Variants in BCAS3 observed in about 807,000 individuals in gnomAD.
BCAS3 encodes the protein BCAS4/BCAS3 fusion.
BCAS3 carries 53 observed loss-of-function variants against 116.1 expected under a neutral mutation model. The observed-to-expected ratio is 0.46, with a 90% confidence interval of 0.37 to 0.57. The LOEUF (loss-of-function observed/expected upper bound fraction) is 0.57. BCAS3 is among the 20% of genes least tolerant of loss of function. The probability of loss-of-function intolerance (pLI) is 0.00; values close to 1 mark genes in which losing one functional copy is unlikely to be tolerated. For synonymous variants in BCAS3, 391 were observed against 408.2 expected (o/e 0.96, Z 0.51); for missense variants, 917 against 1,165.4 (o/e 0.79, Z 3.10).
rs1015568318 is a variant in BCAS3, at chr17:60,962,992, C to A, written c.1221+15640C>A. On this transcript the variant is annotated intron_variant, in intron 14 of 23. Coordinates refer to ENST00000407086, the MANE Select transcript of BCAS3 (RefSeq NM_017679.5). This position sits in a 1 kb window ranked among gnomAD's most constrained non-coding sequence, Gnocchi z 4.4. ...ATCCCACCACCACTTATTGAAAAGA[C>A]TGTTCTTTTACCTTCTTATGTTCTT... is the stretch of plus-strand genomic sequence containing the variant. Among the ~76,000 whole-genome samples, 1 of 152,144 alleles carries A rather than the reference C, an allele frequency of 6.6e-6. No individual in the cohort carries two copies. The highest frequency in any genetic ancestry group is 2.4e-5 in the African/African-American group (1 of 41,440).
Position 61,365,771 on chromosome 17 carries a change from T to C in BCAS3, c.2426-2556T>C, listed in dbSNP as rs1162227497. Among the ~76,000 whole-genome samples the C allele has an allele frequency of 6.6e-6, 1 of 152,206 alleles. No individual in the cohort carries two copies. Among genetic ancestry groups the C allele is most frequent in the Non-Finnish European group, 1.5e-5 (1 of 68,040 alleles). On this transcript the variant is annotated intron_variant, in intron 22 of 23. Coordinates refer to ENST00000407086, the MANE Select transcript of BCAS3 (RefSeq NM_017679.5). The surrounding 1 kb of genome is among the most constrained non-coding windows in gnomAD (Gnocchi z 4.6). Reference sequence around the variant, plus strand: ...TCCTTTCTAGAGACAGACCTCCTGCTCTTGTGAAGTGAGAAAACAAATGGT... The same window carrying C: ...TCCTTTCTAGAGACAGACCTCCTGCCCTTGTGAAGTGAGAAAACAAATGGT...
At position 61,333,421 on chromosome 17, in the gene BCAS3, G is replaced by GAGGC. The variant is rs1297979987; in HGVS notation, c.2426-34897_2426-34894dup. Among the ~76,000 whole-genome samples the GAGGC allele has an allele frequency of 6.6e-6, 1 of 152,074 alleles. No individual in the cohort carries two copies. The highest frequency in any genetic ancestry group is 1.5e-5 in the Non-Finnish European group (1 of 68,010). ...CTAGGACAAAGTGGAGACGTCCTGT[G>GAGGC]AGGCAGGCAGGCCTCTGTCTCAGCA... is the stretch of plus-strand genomic sequence containing the variant. On this transcript the variant is annotated intron_variant, in intron 22 of 23. Coordinates refer to ENST00000407086, the MANE Select transcript of BCAS3 (RefSeq NM_017679.5). This position sits in a 1 kb window ranked among gnomAD's most constrained non-coding sequence, Gnocchi z 4.8.
At chr17:60,712,967 A>G (rs1267597396) in intron 5 of BCAS3, among the ~76,000 whole-genome samples, 1 of 152,166 alleles carries the variant, frequency 6.6e-6, no homozygotes, top group Admixed American at 6.6e-5. Context: ...CCTGTGACAA[A>G]GTCTGTCTAG....
At chr17:60,791,460 C>A (rs533235353) in intron 6 of BCAS3, among the ~76,000 whole-genome samples, 1 of 152,042 alleles carries the variant, frequency 6.6e-6, no homozygotes, top group Non-Finnish European at 1.5e-5. Context: ...TTAAGACTAG[C>A]CTGGGCACAG....
rs554815642 is a variant in BCAS3, at chr17:60,716,086, C to T, written c.321+6761C>T. Among the ~76,000 whole-genome samples the T allele has an allele frequency of 2.4e-4, 37 of 152,222 alleles. No homozygotes were observed. The South Asian group carries it at 5.2e-3, about 21-fold the overall frequency. On this transcript the variant is annotated intron_variant, in intron 5 of 23. Coordinates refer to ENST00000407086, the MANE Select transcript of BCAS3 (RefSeq NM_017679.5). Reference sequence around the variant, plus strand: ...CCATGTTGGTCAAGCTGGTCTCGAGCTCCTGACCTTGTGCTGTGCCCGCCT... The same window carrying T: ...CCATGTTGGTCAAGCTGGTCTCGAGTTCCTGACCTTGTGCTGTGCCCGCCT...
At position 61,346,108 on chromosome 17, in the gene BCAS3, T is replaced by G. The variant is rs1338521783; in HGVS notation, c.2426-22219T>G. On this transcript the variant is annotated intron_variant, in intron 22 of 23. Coordinates refer to ENST00000407086, the MANE Select transcript of BCAS3 (RefSeq NM_017679.5). This position sits in a 1 kb window ranked among gnomAD's most constrained non-coding sequence, Gnocchi z 5.4. ...AGTGGTTGAGAAGGTAACAGCGGGGTAGGTGCCATAATCCTTGTTGAAGTC... is the reference window on the plus strand; with the variant it reads ...AGTGGTTGAGAAGGTAACAGCGGGGGAGGTGCCATAATCCTTGTTGAAGTC... Among the ~76,000 whole-genome samples, 1 of 151,992 alleles carries G rather than the reference T, an allele frequency of 6.6e-6. No homozygotes were observed. The highest frequency in any genetic ancestry group is 1.5e-5 in the Non-Finnish European group (1 of 68,004).
At position 61,141,568 on chromosome 17, in the gene BCAS3, A is replaced by G. The variant is rs1205335735; in HGVS notation, c.2425+57004A>G. Among the ~76,000 whole-genome samples, 1 of 152,086 alleles carries G rather than the reference A, an allele frequency of 6.6e-6. No individual in the cohort carries two copies. The highest frequency in any genetic ancestry group is 1.5e-5 in the Non-Finnish European group (1 of 68,004). ...GCGAGACCCTGTCTCAAAAAATAAA[A>G]TAAAAGTTGAATCACCCACGTTTTA... On this transcript the variant is annotated intron_variant, in intron 22 of 23. Transcript: ENST00000407086. This position sits in a 1 kb window ranked among gnomAD's most constrained non-coding sequence, Gnocchi z 4.3.
At chr17:61,090,413 T>G (rs2073452773) in intron 22 of BCAS3, among the ~76,000 whole-genome samples, 1 of 152,172 alleles carries the variant, frequency 6.6e-6, no homozygotes, top group Non-Finnish European at 1.5e-5. Context: ...CCCTGACCTG[T>G]GAACAATCCC....
intron 14 of BCAS3, among the ~76,000 whole-genome samples, chr17:60,986,617 A>G (rs2063158002): frequency 6.6e-6 from 1 of 152,106 alleles, no homozygotes; most frequent in Non-Finnish European, 1.5e-5. Flanking sequence ...ACATTTTTGT[A>G]TACTTGTTTG....
intron 4 of BCAS3, chr17:60,696,572 T>G (rs1412698329): frequency 6.6e-6 from 1 of 152,158 alleles, no homozygotes; most frequent in Non-Finnish European, 1.5e-5. Context: ...GCCACTGCAG[T>G]CCAGCCTGGG....
In BCAS3 at chr17:61,377,347, C is replaced by T. The variant is rs1042516460; in HGVS notation, c.2593+8853C>T. On this transcript the variant is annotated intron_variant, in intron 23 of 23. Transcript: ENST00000407086. This position sits in a 1 kb window ranked among gnomAD's most constrained non-coding sequence, Gnocchi z 4.6. ...ACTGTGGGACAGCCGGTGGCCTCGG[C>T]AGGGGTGGTGTTGTTGGTGTTGCTA... Among the ~76,000 whole-genome samples the T allele has an allele frequency of 6.6e-6, 1 of 152,088 alleles. No individual in the cohort carries two copies. Among genetic ancestry groups the T allele is most frequent in the Non-Finnish European group, 1.5e-5 (1 of 68,010 alleles).
At chr17:60,778,049 G>T (rs2045471767) in intron 6 of BCAS3, among the ~76,000 whole-genome samples, 1 of 151,992 alleles carries the variant, frequency 6.6e-6, no homozygotes, top group African/African-American at 2.4e-5. Flanking sequence ...TTACTGTTGA[G>T]TTTAGATAGT....
chr17:61,235,703 A>AG lies in BCAS3; in HGVS notation c.2426-132624_2426-132623insG, dbSNP rs894560953. The stretch of plus-strand genomic sequence containing the variant: ...GAAAGAAGACTTTTGAATTGTTTAA[A>AG]AAAAAAAAAAAGGAGAAGAAGGAGA... On this transcript the variant is annotated intron_variant, in intron 22 of 23. Transcript: ENST00000407086. This position sits in a 1 kb window ranked among gnomAD's most constrained non-coding sequence, Gnocchi z 5.0. Among the ~76,000 whole-genome samples, 22 of 151,716 alleles carry AG rather than the reference A, an allele frequency of 1.5e-4. No individual in the cohort carries two copies. Among genetic ancestry groups the AG allele is most frequent in the African/African-American group, 5.3e-4 (22 of 41,392 alleles).
chr17:60,851,640 G>A (rs918291574), intron 7 of BCAS3: 3 of 711,380 alleles, frequency 4.2e-6, no homozygotes, highest in Non-Finnish European at 7.8e-6. Context: ...GGGAAAACAG[G>A]CTGAAAGAAA....
chr17:60,951,760 C>CT (rs2060843304), intron 14 of BCAS3, among the ~76,000 whole-genome samples: 2 of 121,684 alleles, frequency 1.6e-5, no homozygotes, highest in African/African-American at 6.4e-5. Context: ...ATTTTCTTTT[C>CT]TTTCTTTTTT....
In BCAS3 at chr17:61,278,826, G is replaced by A. The variant is rs2050993470; in HGVS notation, c.2426-89501G>A. Among the ~76,000 whole-genome samples the A allele has an allele frequency of 6.6e-6, 1 of 152,142 alleles. No individual in the cohort carries two copies. Among genetic ancestry groups the A allele is most frequent in the African/African-American group, 2.4e-5 (1 of 41,412 alleles). ...GGTTTCCTAGGACTTGGGGATATGG[G>A]GAGATTGGGAGGTAGTGGCTAAGTG... On this transcript the variant is annotated intron_variant, in intron 22 of 23. Coordinates refer to ENST00000407086, the MANE Select transcript of BCAS3 (RefSeq NM_017679.5). The surrounding 1 kb of genome is among the most constrained non-coding windows in gnomAD (Gnocchi z 5.8).
chr17:61,166,717 T>G (rs553839757), intron 22 of BCAS3, among the ~76,000 whole-genome samples: 1 of 152,114 alleles, frequency 6.6e-6, no homozygotes, highest in Admixed American at 6.5e-5. Flanking sequence ...TATTATTTTT[T>G]AGTTTTTATT....
At chr17:60,762,651 CT>C (rs2043655470) in intron 6 of BCAS3, among the ~76,000 whole-genome samples, 2 of 152,118 alleles carry the variant, frequency 1.3e-5, no homozygotes, top group Admixed American at 6.6e-5. Flanking sequence ...CAGCTTTGTT[CT>C]TTTTGCTTAG....
At chr17:61,169,561 G>A (rs998279726) in intron 22 of BCAS3, among the ~76,000 whole-genome samples, 8 of 152,114 alleles carry the variant, frequency 5.3e-5, no homozygotes, top group South Asian at 2.1e-4. Context: ...GTGTGAGCCC[G>A]GCCGAGATAG....
Sources: allele counts gnomAD v4.1 joint callset (sites outside exome capture counted in the v4.1 genomes callset), GRCh38; gene constraint gnomAD v4.1.1; non-coding constraint Gnocchi (gnomAD v3.1); transcripts MANE v1.5; gene names NCBI Gene and HGNC (gene_info 2026-07-23, HGNC 2026-07-21).